The following ERN1 variants were observed in gnomAD, a reference collection of about 807,000 sequenced individuals.
The protein encoded by ERN1 is serine/threonine-protein kinase/endoribonuclease IRE1.
A neutral mutation model predicts 113.1 loss-of-function variants in ERN1; 39 were observed. That is an observed-to-expected ratio of 0.34 (90% CI 0.27 to 0.45). The LOEUF is 0.45. Ranked by LOEUF, ERN1 falls within the 20% of genes least tolerant of loss-of-function variation. The pLI is 1.00. For missense variants in ERN1, 976 were observed against 1,274.8 expected, an observed-to-expected ratio of 0.77 and a Z score of 3.57; for synonymous variants, 507 against 515.9, an observed-to-expected ratio of 0.98 and a Z score of 0.23.
intron 2 of ERN1, among the ~76,000 whole-genome samples, chr17:64,092,256 G>C (rs961406171): frequency 2.0e-5 from 3 of 152,120 alleles, no homozygotes; most frequent in African/African-American, 7.2e-5. Flanking sequence ...GGCATCAAGG[G>C]GGAAGTAGCA....
intron 5 of ERN1, among the ~76,000 whole-genome samples, chr17:64,073,063 A>C (rs1012502414): frequency 2.0e-5 from 3 of 147,638 alleles, no homozygotes; most frequent in Non-Finnish European, 3.0e-5. Flanking sequence ...AGGAGTACAG[A>C]GGTGTGGTCA....
chr17:64,080,556 A>T, intron 3 of ERN1: 2 of 503,982 alleles, frequency 4.0e-6, no homozygotes, highest in East Asian at 3.4e-5. Flanking sequence ...TTTCATCTCA[A>T]ATAAGCCTTT....
chr17:64,128,161 A>ATTTTTTTTT (rs760752335), intron 1 of ERN1, among the ~76,000 whole-genome samples: 30 of 126,352 alleles, frequency 2.4e-4, no homozygotes, highest in African/African-American at 4.5e-4. Flanking sequence ...CGCCCGGCTA[A>ATTTTTTTTT]TTTTTTTTTT....
chr17:64,116,650 AAAT>A (rs1193190144), intron 1 of ERN1, among the ~76,000 whole-genome samples: 3 of 144,198 alleles, frequency 2.1e-5, no homozygotes, highest in African/African-American at 8.7e-5. Flanking sequence ...TGTAAAAAAA[AAAT>A]AACACACACA....
In ERN1 at chr17:64,042,823, G is replaced by C. The variant is rs1458046203; in HGVS notation, c.*1165C>G. 1 of 152,050 alleles carries C rather than the reference G, an allele frequency of 6.6e-6. No homozygotes were observed. Among genetic ancestry groups the C allele is most frequent in the African/African-American group, 2.4e-5 (1 of 41,400 alleles). 9.4% of individuals were successfully genotyped at this position (152,050 alleles called of 1,614,324 possible). ...CACTCTTGAGGGGATGGTGATTTTT[G>C]GTACCACAAAAAATAGAAGATGTAT... is the stretch of plus-strand genomic sequence containing the variant. On this transcript the variant is annotated 3_prime_UTR_variant, in exon 22 of 22. Coordinates refer to ENST00000433197, the MANE Select transcript of ERN1 (RefSeq NM_001433.5).
chr17:64,107,489 TTA>T (rs1236773126), intron 1 of ERN1, among the ~76,000 whole-genome samples: 1 of 152,094 alleles, frequency 6.6e-6, no homozygotes, highest in Non-Finnish European at 1.5e-5. Context: ...GCCTGGCTTT[TTA>T]TTTCATTTTT....
chr17:64,098,508 T>G (rs757063274), intron 1 of ERN1: 4 of 649,886 alleles, frequency 6.2e-6, no homozygotes, highest in Admixed American at 5.4e-5. Context: ...ATGGGCAACC[T>G]CCACTGAAAC....
intron 1 of ERN1, among the ~76,000 whole-genome samples, chr17:64,102,352 A>G (rs1472426797): frequency 6.6e-6 from 1 of 152,208 alleles, no homozygotes; most frequent in East Asian, 1.9e-4. Context: ...TCAAAAATAC[A>G]AAGTTTAGAG....
intron 1 of ERN1, among the ~76,000 whole-genome samples, chr17:64,106,767 C>T (rs1914543008): frequency 6.7e-6 from 1 of 148,206 alleles, no homozygotes; most frequent in South Asian, 2.1e-4. Context: ...CACACACAAG[C>T]TCGCTGTCTC....
At chr17:64,085,943 G>C (rs764352938) in intron 2 of ERN1, among the ~76,000 whole-genome samples, 55 of 152,202 alleles carry the variant, frequency 3.6e-4, no homozygotes, top group Non-Finnish European at 7.5e-4. Context: ...AAGGGAGACT[G>C]AGTGAGCTTG....
chr17:64,115,430 G>A (rs1914779004), intron 1 of ERN1, among the ~76,000 whole-genome samples: 1 of 152,128 alleles, frequency 6.6e-6, no homozygotes, highest in Admixed American at 6.5e-5. Context: ...GGCTTCAAGG[G>A]GTTTGCCGTC....
intron 5 of ERN1, 49 bp from the exon 6 acceptor site, chr17:64,072,152 T>C: frequency 6.2e-7 from 1 of 1,601,478 alleles, no homozygotes; most frequent in Non-Finnish European, 8.5e-7. Context: ...TGGAAAAAAG[T>C]ATCGCTGCCA....
chr17:64,049,194 C>A lies in ERN1; in HGVS notation c.2262G>T (p.Thr754=). ...SEDCKENPTY[T]VDIFSAGCVF... Reference sequence around the variant, plus strand: ...CGCAGCCTGCAGAAAAGATGTCCACCGTGTAGGTCTGAAAAGAGACATGAG... The same window carrying A: ...CGCAGCCTGCAGAAAAGATGTCCACAGTGTAGGTCTGAAAAGAGACATGAG... The change falls in exon 18 of 22, where the codon ACG becomes ACT. Residue 754 remains threonine, a synonymous_variant. Transcript: ENST00000433197. This position sits in a 1 kb window ranked among gnomAD's most constrained non-coding sequence, Gnocchi z 4.7. The A allele has an allele frequency of 6.3e-7, 1 of 1,585,260 alleles. No individual in the cohort carries two copies. The highest frequency in any genetic ancestry group is 8.6e-7 in the Non-Finnish European group (1 of 1,158,040).
At chr17:64,082,850 A>ATTT (rs10694066) in intron 2 of ERN1, among the ~76,000 whole-genome samples, 34 of 150,686 alleles carry the variant, frequency 2.3e-4, no homozygotes, top group African/African-American at 6.1e-4. Flanking sequence ...AAGAACTGTG[A>ATTT]TTTTTTTTTT....
rs1912275930 is a variant in ERN1 at position 64,039,530 on chromosome 17, A to G, written c.*4458T>C. 6.6e-6 allele frequency: 1 copy of G among 152,234 alleles called. No individual in the cohort carries two copies. The highest frequency in any genetic ancestry group is 2.1e-4 in the South Asian group (1 of 4,832). 9.4% of individuals were successfully genotyped at this position (152,234 alleles called of 1,614,324 possible). On this transcript the variant is annotated 3_prime_UTR_variant, in exon 22 of 22. Transcript: ENST00000433197. ...CATCCATCCCATGGAAGGATACAGT[A>G]TCACTTTTCCAGTTTTAAAATGGTC...
At chr17:64,087,977 T>C (rs1913982669) in intron 2 of ERN1, among the ~76,000 whole-genome samples, 1 of 152,204 alleles carries the variant, frequency 6.6e-6, no homozygotes, top group South Asian at 2.1e-4. Flanking sequence ...AAAAATGTCT[T>C]TGATGCAATC....
At chr17:64,105,041 T>C (rs532370458) in intron 1 of ERN1, among the ~76,000 whole-genome samples, 1 of 152,176 alleles carries the variant, frequency 6.6e-6, no homozygotes, top group East Asian at 1.9e-4. Flanking sequence ...AAACCTACGA[T>C]TGTGAACAAG....
At chr17:64,100,545 C>T (rs1032330247) in intron 1 of ERN1, among the ~76,000 whole-genome samples, 3 of 151,932 alleles carry the variant, frequency 2.0e-5, no homozygotes, top group Admixed American at 6.6e-5. Context: ...CCAAGGCAGG[C>T]GGATCACTTG....
intron 1 of ERN1, among the ~76,000 whole-genome samples, chr17:64,113,670 G>A (rs1446354556): frequency 6.7e-6 from 1 of 149,508 alleles, no homozygotes; most frequent in African/African-American, 2.5e-5. Context: ...TCACCATGCC[G>A]CCAGGCAATT....
Sources: gnomAD v4.1 joint callset for allele counts (sites outside exome capture counted in the v4.1 genomes callset) on GRCh38, gnomAD v4.1.1 for gene constraint, Gnocchi (gnomAD v3.1) non-coding constraint, MANE v1.5 for transcripts, NCBI Gene and HGNC (gene_info 2026-07-23, HGNC 2026-07-21) for gene names.